JAKMIP2: variants seen among roughly 807,000 people sequenced by gnomAD.
The protein encoded by JAKMIP2 is janus kinase and microtubule interacting protein 2.
JAKMIP2 carries 25 observed loss-of-function variants against 115.0 expected under a neutral mutation model. The observed-to-expected ratio is 0.22, with a 90% confidence interval of 0.16 to 0.30. JAKMIP2 has a LOEUF of 0.30. Ranked by LOEUF, JAKMIP2 falls within the 10% of genes least tolerant of loss-of-function variation. The pLI is 1.00. For missense variants in JAKMIP2, 642 were observed against 957.6 expected (o/e 0.67, Z 4.35); for synonymous variants, 334 against 343.6 (o/e 0.97, Z 0.31).
At chr5:147,651,882 T>TA (rs1171952742) in intron 3 of JAKMIP2, among the ~76,000 whole-genome samples, 2 of 152,344 alleles carry the variant, frequency 1.3e-5, no homozygotes, top group African/African-American at 4.8e-5. Context: ...GTGTTTTTCT[T>TA]AACTGAGCAG....
intron 20 of JAKMIP2, among the ~76,000 whole-genome samples, chr5:147,608,068 T>C (rs947737627): frequency 6.6e-6 from 1 of 152,208 alleles, no homozygotes; most frequent in African/African-American, 2.4e-5. Flanking sequence ...CTCTCTTTTC[T>C]TGTTTATTAG....
intron 1 of JAKMIP2, among the ~76,000 whole-genome samples, chr5:147,726,888 A>T (rs986287935): frequency 2.0e-4 from 30 of 152,346 alleles, no homozygotes; most frequent in Non-Finnish European, 1.8e-4. Flanking sequence ...CCCAAAAATT[A>T]CCTCAAGCAG....
intron 14 of JAKMIP2, among the ~76,000 whole-genome samples, chr5:147,630,540 G>C (rs191719194): frequency 6.6e-6 from 1 of 152,216 alleles, no homozygotes; most frequent in African/African-American, 2.4e-5. Context: ...TACCACCAAA[G>C]TTTTCTCCAC....
chr5:147,689,184 G>A (rs1169147928), intron 1 of JAKMIP2, among the ~76,000 whole-genome samples: 3 of 152,184 alleles, frequency 2.0e-5, no homozygotes, highest in Non-Finnish European at 2.9e-5. Flanking sequence ...GGGAGCCGGG[G>A]AGGCTGGAGG....
Position 147,622,648 on chromosome 5 carries a change from C to T in JAKMIP2, c.2064+973G>A, listed in dbSNP as rs150669244. 1.5e-3 allele frequency among the ~76,000 whole-genome samples: 224 copies of T among 152,290 alleles called. 7 individuals carry two copies. In the East Asian group the frequency reaches 0.039, roughly 26 times the overall value. The stretch of plus-strand genomic sequence containing the variant: ...ATACACCACCTTTTGTTTATCTGTT[C>T]ATCCATTGATGGACATTTGGGTTAC... On this transcript the variant is annotated intron_variant, in intron 17 of 21. Coordinates refer to ENST00000616793, the MANE Select transcript of JAKMIP2 (RefSeq NM_001270941.2).
chr5:147,679,644 T>C (rs945341999), intron 1 of JAKMIP2, among the ~76,000 whole-genome samples: 1 of 152,242 alleles, frequency 6.6e-6, no homozygotes, highest in African/African-American at 2.4e-5. Flanking sequence ...CATTAACTCA[T>C]TGAACTATTC....
chr5:147,662,680 C>T (rs1045995970), intron 2 of JAKMIP2, among the ~76,000 whole-genome samples: 2 of 152,080 alleles, frequency 1.3e-5, no homozygotes, highest in Non-Finnish European at 2.9e-5. Context: ...CACACACATA[C>T]ACAGAGTAAC....
intron 1 of JAKMIP2, among the ~76,000 whole-genome samples, chr5:147,740,858 T>C (rs1754119163): frequency 6.6e-6 from 1 of 152,206 alleles, no homozygotes; most frequent in South Asian, 2.1e-4. Flanking sequence ...AAAGGGTTGG[T>C]GAAGAGGAAT....
intron 1 of JAKMIP2, among the ~76,000 whole-genome samples, chr5:147,746,297 C>G (rs1754343689): frequency 6.6e-6 from 1 of 152,100 alleles, no homozygotes; most frequent in Non-Finnish European, 1.5e-5. Flanking sequence ...GAGGTATTCC[C>G]TCATCAAATT....
At chr5:147,675,294 A>G (rs1759877275) in intron 1 of JAKMIP2, among the ~76,000 whole-genome samples, 1 of 152,258 alleles carries the variant, frequency 6.6e-6, no homozygotes, top group Admixed American at 6.5e-5. Context: ...CATCACAGGA[A>G]GTTATTGATA....
chr5:147,752,327 C>G (rs1362456057), intron 1 of JAKMIP2, among the ~76,000 whole-genome samples: 1 of 152,170 alleles, frequency 6.6e-6, no homozygotes, highest in Non-Finnish European at 1.5e-5. Flanking sequence ...GTACTGTAAA[C>G]TTAGTGCCTG....
intron 1 of JAKMIP2, among the ~76,000 whole-genome samples, chr5:147,772,640 T>C (rs548281878): frequency 6.6e-6 from 1 of 152,150 alleles, no homozygotes; most frequent in South Asian, 2.1e-4. Flanking sequence ...AAATATTGTG[T>C]TAGGAGCATA....
intron 2 of JAKMIP2, 184 bp from the exon 3 acceptor site, chr5:147,661,629 A>C: frequency 5.0e-6 from 3 of 595,666 alleles, no homozygotes; most frequent in Non-Finnish European, 8.8e-6. Context: ...TAAGAGGAGG[A>C]AATACCTGAG....
In JAKMIP2 at chr5:147,586,264, C is replaced by T. The variant is rs749303604; in HGVS notation, c.*5443G>A. The T allele has an allele frequency of 3.3e-5, 5 of 152,186 alleles. No homozygotes were observed. The highest frequency in any genetic ancestry group is 1.2e-4 in the African/African-American group (5 of 41,524). The allele number at this position is 152,186 out of a possible 1,614,324, so 9.4% of individuals were successfully genotyped here. ...GTACACGTTTAGTAAGCGCTCACAC[C>T]ATCATACTATGTACAGAATATATCT... On this transcript the variant is annotated 3_prime_UTR_variant, in exon 22 of 22. Coordinates refer to ENST00000616793, the MANE Select transcript of JAKMIP2 (RefSeq NM_001270941.2).
At chr5:147,696,758 A>G (rs1308030165) in intron 1 of JAKMIP2, among the ~76,000 whole-genome samples, 1 of 152,194 alleles carries the variant, frequency 6.6e-6, no homozygotes, top group Non-Finnish European at 1.5e-5. Flanking sequence ...AAATGCTGAT[A>G]GTGATGTGGA....
At chr5:147,721,698 C>T (rs1437367508) in intron 1 of JAKMIP2, among the ~76,000 whole-genome samples, 1 of 152,166 alleles carries the variant, frequency 6.6e-6, no homozygotes, top group African/African-American at 2.4e-5. Context: ...ATGCCTCTCC[C>T]TGCTTCGGCT....
chr5:147,766,306 G>C (rs146444163), intron 1 of JAKMIP2, among the ~76,000 whole-genome samples: 3 of 152,210 alleles, frequency 2.0e-5, no homozygotes, highest in East Asian at 1.9e-4. Flanking sequence ...GAAGGCAAAG[G>C]AATTAAGAGA....
At chr5:147,632,157 G>A (rs1757390456) in intron 13 of JAKMIP2, among the ~76,000 whole-genome samples, 1 of 151,806 alleles carries the variant, frequency 6.6e-6, no homozygotes, top group Non-Finnish European at 1.5e-5. Flanking sequence ...GATTAATCAA[G>A]GTATTTTCTA....
intron 1 of JAKMIP2, among the ~76,000 whole-genome samples, chr5:147,768,415 A>T (rs543044348): frequency 6.6e-6 from 1 of 152,298 alleles, no homozygotes; most frequent in South Asian, 2.1e-4. Flanking sequence ...TACAATCAAG[A>T]CCACAAATTT....
Sources: gnomAD v4.1 joint callset for allele counts (sites outside exome capture counted in the v4.1 genomes callset) on GRCh38, gnomAD v4.1.1 for gene constraint, MANE v1.5 for transcripts, NCBI Gene and HGNC (gene_info 2026-07-23, HGNC 2026-07-21) for gene names.